The following TEX11 variants were observed in gnomAD, a reference collection of about 807,000 sequenced individuals.
TEX11 encodes the protein testis expressed 11.
A neutral mutation model predicts 84.4 loss-of-function variants in TEX11; 7 were observed. The ratio of observed to expected loss-of-function variants is 0.08; its 90% confidence interval spans 0.05 to 0.16. TEX11 has a LOEUF of 0.16. Among genes scored for constraint, TEX11 ranks in the 10% least tolerant of loss-of-function variants. The pLI is 1.00. For missense variants in TEX11, 551 were observed against 660.5 expected, an observed-to-expected ratio of 0.83 and a Z score of 1.82; for synonymous variants, 264 against 222.8, an observed-to-expected ratio of 1.18 and a Z score of -1.64.
At chrX:70,639,084 G>A (rs1336433118) in intron 17 of TEX11, among the ~76,000 whole-genome samples, 2 of 111,493 alleles carry the variant, frequency 1.8e-5, no homozygotes, top group Admixed American at 1.9e-4. Flanking sequence ...AGCAGGGCGA[G>A]GCATTGCCTC....
At chrX:70,569,407 G>A (rs897470461) in intron 25 of TEX11, among the ~76,000 whole-genome samples, 4 of 111,905 alleles carry the variant, frequency 3.6e-5, no homozygotes, top group Non-Finnish European at 5.6e-5. Context: ...CTCTCACCTC[G>A]TCAAAGTCCT....
At chrX:70,721,276 A>G (rs2090557149) in intron 13 of TEX11, among the ~76,000 whole-genome samples, 1 of 111,733 alleles carries the variant, frequency 8.9e-6, no homozygotes, top group Non-Finnish European at 1.9e-5. Context: ...CACAGCAACT[A>G]TATTAGCCAT....
the TEX11 span, among the ~76,000 whole-genome samples, chrX:70,513,081 T>C: frequency 9.2e-6 from 1 of 108,753 alleles, no homozygotes; most frequent in African/African-American, 3.4e-5. Context: ...AGGCTGGGCA[T>C]GATGGCTCAC....
intron 4 of TEX11, among the ~76,000 whole-genome samples, chrX:70,863,864 A>G (rs1388141447): frequency 8.9e-6 from 1 of 111,789 alleles, no homozygotes; most frequent in South Asian, 3.8e-4. Context: ...TAGAATAACC[A>G]GTTTAGAGAG....
At chrX:70,750,789 G>T (rs1339430044) in intron 9 of TEX11, among the ~76,000 whole-genome samples, 1 of 100,555 alleles carries the variant, frequency 9.9e-6, no homozygotes, top group Non-Finnish European at 2.0e-5. Flanking sequence ...GGGTAGGGGG[G>T]AGGGATAGCA....
intron 28 of TEX11, among the ~76,000 whole-genome samples, chrX:70,542,065 C>A (rs1415456923): frequency 1.8e-5 from 2 of 111,144 alleles, no homozygotes; most frequent in Non-Finnish European, 3.8e-5. Flanking sequence ...GTGGAAACAG[C>A]CCTGTAGTTG....
chrX:70,859,741 C>T (rs1222944502), intron 5 of TEX11, among the ~76,000 whole-genome samples: 7 of 109,735 alleles, frequency 6.4e-5, no homozygotes, highest in Admixed American at 2.9e-4. Context: ...TTAGGCCAGG[C>T]GCAGTGGCTC....
intron 28 of TEX11, among the ~76,000 whole-genome samples, chrX:70,548,384 A>G (rs2088166497): frequency 9.1e-6 from 1 of 110,308 alleles, no homozygotes; most frequent in Admixed American, 9.7e-5. Flanking sequence ...AAACCTGCAC[A>G]TTGTGCACAT....
intron 17 of TEX11, among the ~76,000 whole-genome samples, chrX:70,636,791 G>A (rs1054414570): frequency 8.9e-6 from 1 of 111,965 alleles, no homozygotes; most frequent in African/African-American, 3.2e-5. Flanking sequence ...AGGCATCCAG[G>A]CCCACCCAGC....
At chrX:70,624,192 T>C (rs1358052191) in intron 19 of TEX11, among the ~76,000 whole-genome samples, 186 bp from the exon 20 acceptor site, 1 of 112,055 alleles carries the variant, frequency 8.9e-6, no homozygotes, top group Non-Finnish European at 1.9e-5. Flanking sequence ...AATGAAAACA[T>C]ACCAATTTTA....
chrX:70,706,726 A>T (rs903920138), intron 13 of TEX11, among the ~76,000 whole-genome samples: 1 of 111,355 alleles, frequency 9.0e-6, no homozygotes, highest in African/African-American at 3.3e-5. Flanking sequence ...TAGCAACAAA[A>T]TGACTGGTAC....
chrX:70,894,139 G>A (rs2091754065), intron 2 of TEX11, among the ~76,000 whole-genome samples: 1 of 109,148 alleles, frequency 9.2e-6, no homozygotes, highest in African/African-American at 3.5e-5. Context: ...AATTCTACCA[G>A]AGGTACAAAG....
intron 28 of TEX11, among the ~76,000 whole-genome samples, chrX:70,548,920 AC>A (rs951566155): frequency 3.6e-5 from 4 of 111,472 alleles, no homozygotes; most frequent in African/African-American, 1.3e-4. Context: ...CTAGTGAGAC[AC>A]CAGCCAGGGC....
intron 13 of TEX11, among the ~76,000 whole-genome samples, chrX:70,694,655 A>G: frequency 8.9e-6 from 1 of 112,114 alleles, no homozygotes; most frequent in Non-Finnish European, 1.9e-5. Flanking sequence ...TTTCTTGAAA[A>G]TTTAAATACA....
At chrX:70,847,837 C>G (rs1400608842) in intron 7 of TEX11, among the ~76,000 whole-genome samples, 1 of 112,142 alleles carries the variant, frequency 8.9e-6, no homozygotes, top group Non-Finnish European at 1.9e-5. Context: ...AGCCACCATG[C>G]CTAGCAGTGT....
rs140312974 is a variant in TEX11 at position 70,575,349 on chromosome X, A to T, written c.2140+16402T>A. Reference sequence around the variant, plus strand: ...TGAATGTGTCCCCTCCAAAATTCAGATGTTGAAACTTAATGGCCAATGTGA... The same window carrying T: ...TGAATGTGTCCCCTCCAAAATTCAGTTGTTGAAACTTAATGGCCAATGTGA... On this transcript the variant is annotated intron_variant, in intron 25 of 29. Transcript: ENST00000374333. Among the ~76,000 whole-genome samples, 623 of 112,038 alleles carry T rather than the reference A, an allele frequency of 5.6e-3. 3 individuals carry two copies. The highest frequency in any genetic ancestry group is 0.032 in the Middle Eastern group (7 of 218).
At chrX:70,544,064 G>A (rs12687671) in intron 28 of TEX11, among the ~76,000 whole-genome samples, 9,502 of 111,685 alleles carry the variant, frequency 0.085, 733 homozygotes, top group African/African-American at 0.25. Context: ...CATGAATAGA[G>A]CTTGCAGGAC....
At chrX:70,662,530 C>T (rs1237938176) in intron 16 of TEX11, among the ~76,000 whole-genome samples, 5 of 110,597 alleles carry the variant, frequency 4.5e-5, no homozygotes. Context: ...CAAAGATACT[C>T]CTCGAGAAGA....
chrX:70,828,578 A>G (rs1260568739), intron 8 of TEX11, among the ~76,000 whole-genome samples: 1 of 111,215 alleles, frequency 9.0e-6, no homozygotes, highest in Non-Finnish European at 1.9e-5. Context: ...AGCATGAAGC[A>G]TACCTACATG....
Sources: gnomAD v4.1 joint callset for allele counts (sites outside exome capture counted in the v4.1 genomes callset) on GRCh38, gnomAD v4.1.1 for gene constraint, MANE v1.5 for transcripts, NCBI Gene and HGNC (gene_info 2026-07-23, HGNC 2026-07-21) for gene names.